Variants in SGCZ observed in about 807,000 individuals in gnomAD.
SGCZ encodes sarcoglycan zeta.
In SGCZ, 40 loss-of-function variants were observed where a neutral mutation model predicts 41.3. The ratio of observed to expected loss-of-function variants is 0.97; its 90% CI spans 0.75 to 1.26. The LOEUF (loss-of-function observed/expected upper bound fraction) is 1.26, where lower values mean the gene tolerates loss of function less well. SGCZ is among the 50% of genes most tolerant of loss of function. SGCZ has a pLI of 0.00. For missense variants in SGCZ, 552 were observed against 369.8 expected, an observed-to-expected ratio of 1.49 and a Z score of -4.04; for synonymous variants, 206 against 137.5, an observed-to-expected ratio of 1.50 and a Z score of -3.49.
chr8:14,371,791 C>G (rs114063069), intron 2 of SGCZ, among the ~76,000 whole-genome samples: 3 of 152,022 alleles, frequency 2.0e-5, no homozygotes, highest in Admixed American at 6.6e-5. Context: ...AATTAGGAAA[C>G]GTTATCTTTA....
At chr8:14,379,764 C>T (rs114236298) in intron 2 of SGCZ, among the ~76,000 whole-genome samples, 2,116 of 152,100 alleles carry the variant, frequency 0.014, 47 homozygotes, top group African/African-American at 0.047. Context: ...AAGAGTCTTA[C>T]TCTGCTGCCC....
At chr8:15,204,154 G>T (rs757592224) in intron 1 of SGCZ, among the ~76,000 whole-genome samples, 3 of 151,246 alleles carry the variant, frequency 2.0e-5, no homozygotes, top group Non-Finnish European at 3.0e-5. Context: ...TTGCTGGAGA[G>T]AACTCTGTAT....
chr8:15,074,299 A>G (rs1805455067), intron 1 of SGCZ, among the ~76,000 whole-genome samples: 1 of 152,048 alleles, frequency 6.6e-6, no homozygotes, highest in Non-Finnish European at 1.5e-5. Context: ...AAAAAAAGTC[A>G]CCTTCCTCAT....
At chr8:14,641,321 A>G (rs977824585) in intron 1 of SGCZ, among the ~76,000 whole-genome samples, 15 of 151,786 alleles carry the variant, frequency 9.9e-5, no homozygotes, top group South Asian at 4.1e-4. Context: ...ATAAAGTTTC[A>G]AGATGGATGC....
intron 1 of SGCZ, among the ~76,000 whole-genome samples, chr8:14,762,525 T>C (rs138581214): frequency 1.9e-3 from 290 of 152,324 alleles, no homozygotes; most frequent in African/African-American, 6.6e-3. Flanking sequence ...AAGTACTGAA[T>C]GAATAGGGAG....
At chr8:14,318,378 A>C (rs1162651867) in intron 3 of SGCZ, among the ~76,000 whole-genome samples, 1 of 151,970 alleles carries the variant, frequency 6.6e-6, no homozygotes, top group East Asian at 1.9e-4. Context: ...AACAACCAAC[A>C]ATTTCATAAT....
chr8:14,331,658 C>G (rs180863458), intron 2 of SGCZ, among the ~76,000 whole-genome samples: 57 of 152,120 alleles, frequency 3.7e-4, no homozygotes, highest in South Asian at 1.0e-3. Flanking sequence ...CTTTTACCAT[C>G]CTGAATATGA....
chr8:14,279,198 A>C (rs1203822502), intron 3 of SGCZ, among the ~76,000 whole-genome samples: 1 of 152,076 alleles, frequency 6.6e-6, no homozygotes, highest in African/African-American at 2.4e-5. Flanking sequence ...AAGGGGGGAA[A>C]GGGGAAAAGT....
At chr8:15,147,802 A>T (rs928623903) in intron 1 of SGCZ, among the ~76,000 whole-genome samples, 8 of 152,120 alleles carry the variant, frequency 5.3e-5, no homozygotes, top group African/African-American at 1.9e-4. Flanking sequence ...TGTCAGGGGG[A>T]AGACATGCTG....
At chr8:14,391,952 G>A (rs540807093) in intron 2 of SGCZ, among the ~76,000 whole-genome samples, 1 of 152,006 alleles carries the variant, frequency 6.6e-6, no homozygotes, top group African/African-American at 2.4e-5. Flanking sequence ...CAGTACAAAC[G>A]GGGAGATTCA....
chr8:14,982,141 G>T (rs1801684935), intron 1 of SGCZ, among the ~76,000 whole-genome samples: 1 of 131,626 alleles, frequency 7.6e-6, no homozygotes, highest in Admixed American at 7.7e-5. Context: ...CTGGACAACA[G>T]AGCGAGACTC....
rs115630052 is a variant in SGCZ, at chr8:15,140,129, C to G, written c.39+97456G>C. On this transcript the variant is annotated intron_variant, in intron 1 of 7. Transcript: ENST00000382080. ...ATCACTCCCAGGCTCAAGCAACATT[C>G]CTCCTATCTTAGCCTCCTGAGTAGC... 4.4e-3 allele frequency among the ~76,000 whole-genome samples: 669 copies of G among 152,130 alleles called. 8 individuals are homozygous for G. The highest frequency in any genetic ancestry group is 0.015 in the African/African-American group (637 of 41,532).
intron 4 of SGCZ, among the ~76,000 whole-genome samples, chr8:14,222,998 G>C (rs1447938157): frequency 6.6e-6 from 1 of 151,488 alleles, no homozygotes; most frequent in African/African-American, 2.4e-5. Flanking sequence ...TTTTAGTAGA[G>C]ACAGGGTTTC....
intron 1 of SGCZ, among the ~76,000 whole-genome samples, chr8:14,564,513 T>C (rs573676537): frequency 9.2e-5 from 14 of 152,240 alleles, no homozygotes; most frequent in African/African-American, 2.6e-4. Context: ...GCATATTACA[T>C]TGACATATAT....
chr8:14,358,290 G>A (rs1359596467), intron 2 of SGCZ, among the ~76,000 whole-genome samples: 1 of 151,976 alleles, frequency 6.6e-6, no homozygotes, highest in African/African-American at 2.4e-5. Context: ...TTTGAAATGG[G>A]GTAATCGATG....
At chr8:14,302,003 C>A (rs958124726) in intron 3 of SGCZ, among the ~76,000 whole-genome samples, 1 of 152,128 alleles carries the variant, frequency 6.6e-6, no homozygotes, top group African/African-American at 2.4e-5. Flanking sequence ...AAATATCTGT[C>A]AACTTCTTTA....
At chr8:14,207,981 A>G (rs1805672607) in intron 4 of SGCZ, among the ~76,000 whole-genome samples, 1 of 152,144 alleles carries the variant, frequency 6.6e-6, no homozygotes, top group South Asian at 2.1e-4. Context: ...AAAATGCTGA[A>G]CTGTCTTTAT....
intron 1 of SGCZ, among the ~76,000 whole-genome samples, chr8:14,674,479 A>G (rs944992240): frequency 1.3e-5 from 2 of 152,214 alleles, no homozygotes; most frequent in African/African-American, 4.8e-5. Flanking sequence ...TCCTGATAGT[A>G]TAGCTATAAA....
At chr8:15,002,604 C>A (rs537574690) in intron 1 of SGCZ, among the ~76,000 whole-genome samples, 1 of 152,182 alleles carries the variant, frequency 6.6e-6, no homozygotes, top group South Asian at 2.1e-4. Flanking sequence ...ACTCCAGAAG[C>A]AAAGGAAAAA....
Sources: gnomAD v4.1 joint callset for allele counts (sites outside exome capture counted in the v4.1 genomes callset) on GRCh38, gnomAD v4.1.1 for gene constraint, MANE v1.5 for transcripts, NCBI Gene and HGNC (gene_info 2026-07-23, HGNC 2026-07-21) for gene names.